CLSTN2: variants seen among roughly 807,000 people sequenced by gnomAD.
CLSTN2 encodes calsyntenin-2.
CLSTN2 carries 48 observed loss-of-function variants against 101.2 expected under a neutral mutation model. That is an observed-to-expected ratio of 0.47 (90% CI 0.38 to 0.60). The LOEUF (loss-of-function observed/expected upper bound fraction) is 0.60. Among genes scored for constraint, CLSTN2 ranks in the 20% least tolerant of loss-of-function variants. The pLI is 0.00. For missense variants in CLSTN2, 1,160 were observed against 1,238.2 expected, an observed-to-expected ratio of 0.94 and a Z score of 0.95; for synonymous variants, 481 against 463.6, an observed-to-expected ratio of 1.04 and a Z score of -0.48.
At chr3:140,128,065 A>C (rs2009464543) in intron 1 of CLSTN2, among the ~76,000 whole-genome samples, 1 of 152,164 alleles carries the variant, frequency 6.6e-6, no homozygotes, top group Admixed American at 6.5e-5. Flanking sequence ...GGGGTTCTTA[A>C]CCTGTGGTTT....
intron 5 of CLSTN2, among the ~76,000 whole-genome samples, chr3:140,431,019 A>G (rs2088623404): frequency 6.6e-6 from 1 of 152,240 alleles, no homozygotes; most frequent in African/African-American, 2.4e-5. Context: ...ATCAGAAAAC[A>G]TTTTAGAAGA....
At chr3:140,439,287 G>C (rs1334274690) in intron 5 of CLSTN2, among the ~76,000 whole-genome samples, 1 of 152,246 alleles carries the variant, frequency 6.6e-6, no homozygotes, top group Middle Eastern at 3.2e-3. Context: ...CTGGCTGGCA[G>C]TGAGAGGCCA....
chr3:140,342,799 A>G (rs561909188), intron 2 of CLSTN2, among the ~76,000 whole-genome samples: 1 of 152,250 alleles, frequency 6.6e-6, no homozygotes, highest in African/African-American at 2.4e-5. Flanking sequence ...ATCTGGAACA[A>G]AGCTGGGACT....
intron 2 of CLSTN2, among the ~76,000 whole-genome samples, chr3:140,363,738 C>G (rs2087755072): frequency 1.3e-5 from 2 of 152,132 alleles, no homozygotes; most frequent in African/African-American, 4.8e-5. Context: ...AATGGGCAAC[C>G]ATCCAAGATT....
intron 1 of CLSTN2, among the ~76,000 whole-genome samples, chr3:140,059,218 C>T (rs1345636436): frequency 6.6e-6 from 1 of 152,200 alleles, no homozygotes. Flanking sequence ...ATTAAGTGAG[C>T]AAATGCACAA....
intron 2 of CLSTN2, among the ~76,000 whole-genome samples, chr3:140,374,488 T>A (rs1209776141): frequency 6.6e-6 from 1 of 152,200 alleles, no homozygotes; most frequent in Non-Finnish European, 1.5e-5. Context: ...AAAACACTAA[T>A]AAAATTGTTA....
chr3:140,406,369 T>C (rs749126760), intron 4 of CLSTN2, among the ~76,000 whole-genome samples: 1 of 150,810 alleles, frequency 6.6e-6, no homozygotes, highest in African/African-American at 2.5e-5. Flanking sequence ...CAGAAAAAAA[T>C]AATAATAAGG....
intron 8 of CLSTN2, among the ~76,000 whole-genome samples, chr3:140,477,910 A>G (rs951957774): frequency 5.9e-5 from 9 of 152,196 alleles, no homozygotes; most frequent in Non-Finnish European, 1.2e-4. Flanking sequence ...ACTGTGTCAT[A>G]GGCAGGGAAG....
At chr3:140,145,160 T>C (rs2009762490) in intron 1 of CLSTN2, among the ~76,000 whole-genome samples, 1 of 152,198 alleles carries the variant, frequency 6.6e-6, no homozygotes, top group South Asian at 2.1e-4. Flanking sequence ...GGTGTCACTG[T>C]GGTAAATATT....
At chr3:140,030,304 C>T (rs1309199107) in intron 1 of CLSTN2, among the ~76,000 whole-genome samples, 2 of 152,106 alleles carry the variant, frequency 1.3e-5, no homozygotes, top group African/African-American at 2.4e-5. Flanking sequence ...GGTAGCTTCC[C>T]CAATGTTATA....
At chr3:140,476,654 C>CT (rs564731249) in intron 8 of CLSTN2, among the ~76,000 whole-genome samples, 3,875 of 124,590 alleles carry the variant, frequency 0.031, 98 homozygotes, top group Non-Finnish European at 0.038. Flanking sequence ...GTTTTAGCAT[C>CT]TTTTTTTTTT....
intron 8 of CLSTN2, among the ~76,000 whole-genome samples, chr3:140,531,274 A>G (rs760469220): frequency 8.5e-5 from 13 of 152,216 alleles, no homozygotes; most frequent in Non-Finnish European, 5.9e-5. Flanking sequence ...TGGGCTTCAA[A>G]AGGAGCAGTT....
chr3:140,247,162 T>A (rs748014362), intron 2 of CLSTN2, among the ~76,000 whole-genome samples: 1 of 152,086 alleles, frequency 6.6e-6, no homozygotes, highest in Non-Finnish European at 1.5e-5. Flanking sequence ...GACGTTGGGG[T>A]CTTGACTTGG....
chr3:140,362,373 G>A (rs564090566), intron 2 of CLSTN2, among the ~76,000 whole-genome samples: 9 of 152,066 alleles, frequency 5.9e-5, no homozygotes, highest in East Asian at 3.9e-4. Flanking sequence ...CTAAAACACC[G>A]GAGAAAATCT....
chr3:140,351,755 T>G (rs2087609033), intron 2 of CLSTN2, among the ~76,000 whole-genome samples: 1 of 151,888 alleles, frequency 6.6e-6, no homozygotes, highest in Middle Eastern at 3.2e-3. Flanking sequence ...AAGGGTCATA[T>G]AATCATCTTT....
intron 1 of CLSTN2, among the ~76,000 whole-genome samples, chr3:139,944,167 C>T (rs1201186874): frequency 6.6e-6 from 1 of 152,214 alleles, no homozygotes; most frequent in African/African-American, 2.4e-5. Context: ...CTCTTATTAT[C>T]CCCTTTACAG....
chr3:140,381,746 G>A (rs1447310211), intron 2 of CLSTN2, among the ~76,000 whole-genome samples: 5 of 152,214 alleles, frequency 3.3e-5, no homozygotes, highest in Non-Finnish European at 7.3e-5. Flanking sequence ...GATGTTTCCA[G>A]CAAAAGCATA....
intron 1 of CLSTN2, among the ~76,000 whole-genome samples, chr3:140,095,744 C>A (rs1356567195): frequency 6.6e-6 from 1 of 152,170 alleles, no homozygotes; most frequent in Non-Finnish European, 1.5e-5. Flanking sequence ...TGCTTGGAAG[C>A]AAACACCTGG....
At chr3:139,965,565 G>C (rs7637853) in intron 1 of CLSTN2, among the ~76,000 whole-genome samples, 20,568 of 152,232 alleles carry the variant, frequency 0.14, 1,506 homozygotes, top group African/African-American at 0.17. Context: ...ATTCGAGAAA[G>C]AGTGTCTAGC....
Sources: allele counts gnomAD v4.1 joint callset (sites outside exome capture counted in the v4.1 genomes callset), GRCh38; gene constraint gnomAD v4.1.1; transcripts MANE v1.5; gene names NCBI Gene and HGNC (gene_info 2026-07-23, HGNC 2026-07-21).